The following HHLA2 variants were observed in gnomAD, a reference collection of about 807,000 sequenced individuals.
HHLA2 encodes the protein HERV-H LTR-associating protein 2.
Under a neutral mutation model 45.9 loss-of-function variants are expected in HHLA2, and 48 were observed. That is an observed-to-expected ratio of 1.05 (90% CI 0.83 to 1.33). The LOEUF is 1.33. HHLA2 is among the 40% of genes most tolerant of loss of function. The pLI is 0.00. For missense variants in HHLA2, 462 were observed against 494.3 expected (o/e 0.93, Z 0.62); for synonymous variants, 161 against 173.9 (o/e 0.93, Z 0.59).
At chr3:108,307,481 A>G (rs1026608744) in intron 1 of HHLA2, among the ~76,000 whole-genome samples, 3 of 152,164 alleles carry the variant, frequency 2.0e-5, no homozygotes, top group Middle Eastern at 3.4e-3. Context: ...TAAAAATACA[A>G]AAATTAGCCA....
intron 2 of HHLA2, chr3:108,328,187 C>A: frequency 1.6e-6 from 1 of 611,694 alleles, no homozygotes; most frequent in Non-Finnish European, 2.6e-6. Flanking sequence ...ATATTTTCTT[C>A]CAAAGGGAAT....
intron 2 of HHLA2, among the ~76,000 whole-genome samples, chr3:108,323,826 C>A (rs1451778391): frequency 6.6e-6 from 1 of 152,124 alleles, no homozygotes; most frequent in Non-Finnish European, 1.5e-5. Flanking sequence ...TAGAAGGGAA[C>A]TGAAATGAAA....
intron 2 of HHLA2, among the ~76,000 whole-genome samples, chr3:108,311,575 A>C (rs1466334436): frequency 2.6e-5 from 4 of 152,138 alleles, no homozygotes; most frequent in Non-Finnish European, 5.9e-5. Context: ...GCTCTAGAAA[A>C]AGCTTATCCC....
intron 1 of HHLA2, among the ~76,000 whole-genome samples, chr3:108,302,032 TAAGAC>T (rs1262120330): frequency 6.6e-6 from 1 of 152,200 alleles, no homozygotes; most frequent in African/African-American, 2.4e-5. Flanking sequence ...GTTTAGGAAA[TAAGAC>T]AAGTAATCTA....
chr3:108,319,732 T>A (rs2081166003), intron 2 of HHLA2, among the ~76,000 whole-genome samples: 1 of 152,222 alleles, frequency 6.6e-6, no homozygotes, highest in African/African-American at 2.4e-5. Context: ...TGCTTGTACA[T>A]TTTTCCAACA....
intron 8 of HHLA2, among the ~76,000 whole-genome samples, chr3:108,370,911 TCTCCTGGA>T (rs2082158577): frequency 6.6e-6 from 1 of 152,082 alleles, no homozygotes; most frequent in South Asian, 2.1e-4. Context: ...CTGGGGAAGT[TCTCCTGGA>T]TAATATCCTG....
chr3:108,368,598 A>G (rs1312684622), intron 8 of HHLA2, among the ~76,000 whole-genome samples: 2 of 149,000 alleles, frequency 1.3e-5, no homozygotes, highest in South Asian at 2.2e-4. Flanking sequence ...AGTCTCTGAT[A>G]AAACAGACTT....
At chr3:108,343,671 AGGCGT>A (rs2081614123) in intron 3 of HHLA2, among the ~76,000 whole-genome samples, 1 of 152,228 alleles carries the variant, frequency 6.6e-6, no homozygotes, top group South Asian at 2.1e-4. Context: ...AGATACAAGT[AGGCGT>A]TCTTTACTTT....
chr3:108,323,337 T>C (rs1056747327), intron 2 of HHLA2, among the ~76,000 whole-genome samples: 4 of 152,170 alleles, frequency 2.6e-5, no homozygotes, highest in African/African-American at 4.8e-5. Context: ...TTCTCCATGA[T>C]GTGCTTATTT....
intron 7 of HHLA2, among the ~76,000 whole-genome samples, chr3:108,361,785 A>G (rs2081988298): frequency 6.6e-6 from 1 of 152,062 alleles, no homozygotes; most frequent in Non-Finnish European, 1.5e-5. Flanking sequence ...ACTCAAGACC[A>G]GGGCTTCTAC....
At chr3:108,362,444 G>C in exon 8 of HHLA2, 3 of 1,600,402 alleles carry the variant, frequency 1.9e-6, no homozygotes, top group Admixed American at 3.4e-5. Flanking sequence ...AAATGTTGCA[G>C]AGGTAATAGA....
chr3:108,296,854 A>G (rs1167858749), intron 1 of HHLA2, among the ~76,000 whole-genome samples: 2 of 152,266 alleles, frequency 1.3e-5, no homozygotes, highest in Non-Finnish European at 2.9e-5. Context: ...GAAAATACCT[A>G]ACATTCTGGT....
rs147534057 is a variant in HHLA2, at chr3:108,306,800, G to GTATA, written c.-191-3845_-191-3842dup. ...ATTTTTGACTTCAACCTTTTCCATTGTATATATATATATTTTTCTATTTTA... is the reference window on the plus strand; with the variant it reads ...ATTTTTGACTTCAACCTTTTCCATTGTATATATATATATATATTTTTCTATTTTA... On this transcript the variant is annotated intron_variant, in intron 1 of 10. Coordinates refer to ENST00000619531, the Ensembl canonical transcript of HHLA2. Among the ~76,000 whole-genome samples the GTATA allele has an allele frequency of 8.0e-4, 121 of 151,148 alleles. 2 individuals carry two copies. Among genetic ancestry groups the GTATA allele is most frequent in the African/African-American group, 2.8e-3 (117 of 41,168 alleles).
chr3:108,376,462 T>G (rs1489111595), intron 9 of HHLA2, 31 bp from the exon 9 acceptor site: 1 of 1,576,112 alleles, frequency 6.3e-7, no homozygotes, highest in Non-Finnish European at 8.6e-7. Context: ...GCAAAGAAAT[T>G]ATTTTTAAGT....
chr3:108,320,607 G>C (rs1560201947), intron 2 of HHLA2, among the ~76,000 whole-genome samples: 1 of 152,164 alleles, frequency 6.6e-6, no homozygotes, highest in Non-Finnish European at 1.5e-5. Context: ...ATGATAGAGT[G>C]TGTGTGTATA....
chr3:108,308,024 C>A (rs1262709144), intron 1 of HHLA2, among the ~76,000 whole-genome samples: 2 of 152,156 alleles, frequency 1.3e-5, no homozygotes, highest in South Asian at 4.1e-4. Context: ...AATTCAATTA[C>A]ACTCTTAAAA....
intron 5 of HHLA2, among the ~76,000 whole-genome samples, chr3:108,354,561 T>C (rs2081849181): frequency 6.6e-6 from 1 of 152,028 alleles, no homozygotes. Flanking sequence ...TGCAATATAG[T>C]TAGTATGCAT....
intron 3 of HHLA2, among the ~76,000 whole-genome samples, chr3:108,338,850 G>A (rs1462615160): frequency 6.6e-6 from 1 of 152,168 alleles, no homozygotes; most frequent in Non-Finnish European, 1.5e-5. Context: ...TTGTCCTGGA[G>A]GCAGGATTTC....
chr3:108,368,970 A>T (rs2082116675), intron 8 of HHLA2, among the ~76,000 whole-genome samples: 1 of 152,136 alleles, frequency 6.6e-6, no homozygotes, highest in African/African-American at 2.4e-5. Flanking sequence ...TCGACCACAT[A>T]ATTGGAAGTA....
Sources: gnomAD v4.1 joint callset for allele counts (sites outside exome capture counted in the v4.1 genomes callset) on GRCh38, gnomAD v4.1.1 for gene constraint, MANE v1.5 for transcripts, NCBI Gene and HGNC (gene_info 2026-07-23, HGNC 2026-07-21) for gene names.